PACS1: variants seen among roughly 807,000 people sequenced by gnomAD.
The protein encoded by PACS1 is phosphofurin acidic cluster sorting protein 1.
Under a neutral mutation model 115.0 loss-of-function variants are expected in PACS1, and 24 were observed. That is an observed-to-expected ratio of 0.21 (90% CI 0.15 to 0.29). The LOEUF (loss-of-function observed/expected upper bound fraction) is 0.29. Ranked by LOEUF, PACS1 falls within the 10% of genes least tolerant of loss-of-function variation. PACS1 has a pLI of 1.00. For synonymous variants in PACS1, 453 were observed against 504.5 expected, an observed-to-expected ratio of 0.90 and a Z score of 1.37; for missense variants, 838 against 1,251.2, an observed-to-expected ratio of 0.67 and a Z score of 4.98.
At chr11:66,099,557 G>A (rs984638107) in intron 1 of PACS1, among the ~76,000 whole-genome samples, 6 of 150,506 alleles carry the variant, frequency 4.0e-5, no homozygotes, top group South Asian at 2.1e-4. Context: ...TTTTTGGGGG[G>A]GTTTTGAGGG....
intron 1 of PACS1, among the ~76,000 whole-genome samples, chr11:66,080,688 T>TAAACTTGGTCC (rs941064078): frequency 6.6e-6 from 1 of 152,236 alleles, no homozygotes; most frequent in African/African-American, 2.4e-5. Context: ...TTTCTGTGTT[T>TAAACTTGGTCC]AAACTTGGTC....
intron 1 of PACS1, among the ~76,000 whole-genome samples, chr11:66,081,764 G>T (rs1857484110): frequency 6.6e-6 from 1 of 152,200 alleles, no homozygotes; most frequent in African/African-American, 2.4e-5. Context: ...CCCTGGTTTG[G>T]CAGCAGAAGA....
chr11:66,238,132 A>G, intron 19 of PACS1: 1 of 985,212 alleles, frequency 1.0e-6, no homozygotes, highest in African/African-American at 1.7e-5. Flanking sequence ...CCTTTCCAGA[A>G]TTCTCTATGG....
chr11:66,222,113 C>G (rs1375171903), intron 10 of PACS1, among the ~76,000 whole-genome samples: 1 of 152,180 alleles, frequency 6.6e-6, no homozygotes, highest in Admixed American at 6.5e-5. Context: ...AAGACCTTAT[C>G]TCAACAAACA....
intron 1 of PACS1, among the ~76,000 whole-genome samples, chr11:66,119,813 T>C (rs1858398565): frequency 6.6e-6 from 1 of 152,230 alleles, no homozygotes; most frequent in Non-Finnish European, 1.5e-5. Flanking sequence ...TGCTGTTAGC[T>C]GAAGGACGTC....
At chr11:66,083,629 C>G (rs1857522551) in intron 1 of PACS1, among the ~76,000 whole-genome samples, 1 of 152,182 alleles carries the variant, frequency 6.6e-6, no homozygotes, top group African/African-American at 2.4e-5. Context: ...GGCAGCCACA[C>G]TGATAAATGA....
intron 2 of PACS1, among the ~76,000 whole-genome samples, chr11:66,208,806 C>T (rs4296045): frequency 0.013 from 2,018 of 151,938 alleles, 56 homozygotes; most frequent in African/African-American, 0.046. Context: ...TTTTGGATTA[C>T]AATTTTTGAA....
chr11:66,225,648 G>A (rs1281553108), intron 10 of PACS1, among the ~76,000 whole-genome samples: 2 of 152,174 alleles, frequency 1.3e-5, no homozygotes, highest in East Asian at 3.8e-4. Flanking sequence ...GAGGAATAAA[G>A]ATCTTAATAA....
chr11:66,172,903 G>A (rs1859770743), intron 1 of PACS1, among the ~76,000 whole-genome samples: 1 of 151,194 alleles, frequency 6.6e-6, no homozygotes, highest in Admixed American at 6.6e-5. Flanking sequence ...TTGAACCCGG[G>A]AGGCGGAGGT....
At chr11:66,147,083 A>G (rs953197634) in intron 1 of PACS1, among the ~76,000 whole-genome samples, 1 of 152,150 alleles carries the variant, frequency 6.6e-6, no homozygotes, top group Non-Finnish European at 1.5e-5. Context: ...GACAAAAAGA[A>G]TAAGAATGTC....
chr11:66,104,224 T>A (rs997103743), intron 1 of PACS1, among the ~76,000 whole-genome samples: 2 of 152,050 alleles, frequency 1.3e-5, no homozygotes, highest in African/African-American at 4.8e-5. Context: ...AAGTGAAAGG[T>A]AATAAAAGTC....
chr11:66,218,377 A>G (rs1297420828), intron 7 of PACS1: 1 of 152,216 alleles, frequency 6.6e-6, no homozygotes, highest in Admixed American at 6.5e-5. Context: ...ACACATTTCA[A>G]CAAATAATTA....
At chr11:66,119,489 C>A (rs1858392583) in intron 1 of PACS1, among the ~76,000 whole-genome samples, 1 of 152,168 alleles carries the variant, frequency 6.6e-6, no homozygotes, top group Admixed American at 6.5e-5. Flanking sequence ...AACTGCCCTA[C>A]TGAAAGGCAG....
chr11:66,201,424 C>G (rs1448478494), intron 2 of PACS1, among the ~76,000 whole-genome samples: 1 of 151,948 alleles, frequency 6.6e-6, no homozygotes, highest in African/African-American at 2.4e-5. Flanking sequence ...CACAACATAT[C>G]AAAACCTATG....
intron 1 of PACS1, among the ~76,000 whole-genome samples, chr11:66,102,666 C>T (rs1857946353): frequency 6.6e-6 from 1 of 151,998 alleles, no homozygotes; most frequent in African/African-American, 2.4e-5. Context: ...GCCTTGAAAT[C>T]AGTGTAAAAT....
At chr11:66,156,946 C>T (rs1226785052) in intron 1 of PACS1, among the ~76,000 whole-genome samples, 2 of 152,000 alleles carry the variant, frequency 1.3e-5, no homozygotes, top group Non-Finnish European at 2.9e-5. Context: ...TGTTTATTCT[C>T]TTTCCCAGAA....
intron 1 of PACS1, among the ~76,000 whole-genome samples, chr11:66,153,121 A>G (rs893495286): frequency 7.2e-5 from 11 of 152,052 alleles, no homozygotes; most frequent in African/African-American, 2.7e-4. Context: ...TTTAAGATAC[A>G]TATGTGTTTT....
chr11:66,140,074 A>G (rs530294720), intron 1 of PACS1, among the ~76,000 whole-genome samples: 1 of 152,274 alleles, frequency 6.6e-6, no homozygotes, highest in East Asian at 1.9e-4. Flanking sequence ...TCAAAATCCA[A>G]CTCTGATGTG....
At chr11:66,231,012 T>C in intron 13 of PACS1, 72 bp downstream of exon 13, 1 of 1,566,844 alleles carries the variant, frequency 6.4e-7, no homozygotes. Context: ...TTTTGTTGGC[T>C]TCCTTGGACA....
Sources: allele counts gnomAD v4.1 joint callset (sites outside exome capture counted in the v4.1 genomes callset), GRCh38; gene constraint gnomAD v4.1.1; transcripts MANE v1.5; gene names NCBI Gene and HGNC (gene_info 2026-07-23, HGNC 2026-07-21).